Variants in PEPD observed in about 807,000 individuals in gnomAD.
The protein encoded by PEPD is xaa-Pro dipeptidase.
A neutral mutation model predicts 60.7 loss-of-function variants in PEPD; 53 were observed. The ratio of observed to expected loss-of-function variants is 0.87; its 90% CI spans 0.70 to 1.10. The LOEUF (loss-of-function observed/expected upper bound fraction) is 1.10, where lower values mean the gene tolerates loss of function less well. PEPD is among the 50% of genes least tolerant of loss of function. The pLI, the probability that PEPD is intolerant of heterozygous loss-of-function variation, is 0.00. For synonymous variants in PEPD, 267 were observed against 284.1 expected, an observed-to-expected ratio of 0.94 and a Z score of 0.60; for missense variants, 711 against 711.9, an observed-to-expected ratio of 1.00 and a Z score of 0.01.
intron 9 of PEPD, among the ~76,000 whole-genome samples, chr19:33,439,886 G>T (rs540537910): frequency 1.3e-5 from 2 of 152,168 alleles, no homozygotes; most frequent in Non-Finnish European, 2.9e-5. Flanking sequence ...TTCCAAGAAA[G>T]GTTCTTGTTT....
At chr19:33,458,146 G>A (rs941110308) in intron 9 of PEPD, among the ~76,000 whole-genome samples, 12 of 151,856 alleles carry the variant, frequency 7.9e-5, no homozygotes, top group African/African-American at 2.9e-4. Flanking sequence ...GTATGGTGTG[G>A]TGTGTGCATA....
chr19:33,398,257 C>A (rs1430419937), intron 12 of PEPD, among the ~76,000 whole-genome samples: 1 of 152,222 alleles, frequency 6.6e-6, no homozygotes, highest in Non-Finnish European at 1.5e-5. Context: ...GCTTGGTGGG[C>A]CCCCGCCCCT....
At chr19:33,488,102 G>A (rs1309172125) in intron 6 of PEPD, among the ~76,000 whole-genome samples, 3 of 152,108 alleles carry the variant, frequency 2.0e-5, no homozygotes, top group Non-Finnish European at 2.9e-5. Flanking sequence ...CTCTAGAGGA[G>A]GAGCAAGCAA....
chr19:33,521,735 A>G lies in PEPD; in HGVS notation c.17+9T>C, dbSNP rs2145369344. The G allele has an allele frequency of 6.3e-7, 1 of 1,580,380 alleles. No individual in the cohort carries two copies. Among genetic ancestry groups the G allele is most frequent in the South Asian group, 1.1e-5 (1 of 86,992 alleles). On this transcript the variant is annotated intron_variant, in intron 1 of 14. Transcript: ENST00000244137. ...CAGCGGGAAAGAGCGAGGGAGGCGC[A>G]GCACTCACCCGGTGGCCGCCGCCAT...
At position 33,485,993 on chromosome 19, in the gene PEPD, A is replaced by G. The variant is rs1600153741; in HGVS notation, c.503+4003T>C. On this transcript the variant is annotated intron_variant, in intron 6 of 14. Transcript: ENST00000244137. Reference sequence around the variant, plus strand: ...AGGCATGGAAACTTGATGGACAGGCATCCCTCAGCTCAGGCCACCCAGCCC... The same window carrying G: ...AGGCATGGAAACTTGATGGACAGGCGTCCCTCAGCTCAGGCCACCCAGCCC... Among the ~76,000 whole-genome samples the G allele has an allele frequency of 4.6e-5, 7 of 152,154 alleles. No homozygotes were observed. In the South Asian group the frequency reaches 1.5e-3, roughly 32 times the overall value.
intron 1 of PEPD, among the ~76,000 whole-genome samples, chr19:33,516,269 AC>A (rs1319540450): frequency 1.3e-5 from 2 of 152,204 alleles, no homozygotes; most frequent in African/African-American, 4.8e-5. Flanking sequence ...TGTAGCACCA[AC>A]AAAACATCTC....
chr19:33,502,142 A>C (rs1205102990), intron 3 of PEPD, among the ~76,000 whole-genome samples: 2 of 152,188 alleles, frequency 1.3e-5, no homozygotes, highest in Non-Finnish European at 2.9e-5. Context: ...GGAAAGGAAC[A>C]CAAACTGCAC....
rs531144595 is a variant in PEPD at position 33,497,295 on chromosome 19, G to A, written c.393+3643C>T. On this transcript the variant is annotated intron_variant, in intron 4 of 14. Coordinates refer to ENST00000244137, the MANE Select transcript of PEPD (RefSeq NM_000285.4). ...GCCTGTAGCAGACTTGGTGACCCTC[G>A]GACCTTCTCACATATGCCTGGCGCC... Among the ~76,000 whole-genome samples the A allele has an allele frequency of 1.0e-3, 158 of 152,318 alleles. 1 individual carries two copies. Among genetic ancestry groups the A allele is most frequent in the Admixed American group, 1.5e-3 (23 of 15,304 alleles).
At chr19:33,393,264 G>A (rs1337653033) in intron 12 of PEPD, among the ~76,000 whole-genome samples, 15 of 147,398 alleles carry the variant, frequency 1.0e-4, no homozygotes, top group African/African-American at 3.0e-4. Flanking sequence ...GCGTGGGGGA[G>A]GGCCCGGGGT....
intron 11 of PEPD, among the ~76,000 whole-genome samples, chr19:33,410,376 G>A: frequency 6.6e-6 from 1 of 152,240 alleles, no homozygotes; most frequent in East Asian, 1.9e-4. Flanking sequence ...GAGACTGAGT[G>A]TGTTCCTGCA....
intron 4 of PEPD, among the ~76,000 whole-genome samples, chr19:33,493,737 T>C (rs548163545): frequency 1.7e-4 from 26 of 152,096 alleles, no homozygotes; most frequent in Non-Finnish European, 4.4e-5. Flanking sequence ...AGCCTCTGGT[T>C]CCTAGGGCAG....
intron 3 of PEPD, among the ~76,000 whole-genome samples, chr19:33,503,535 A>G (rs139023505): frequency 1.8e-3 from 271 of 152,278 alleles, no homozygotes; most frequent in African/African-American, 6.3e-3. Flanking sequence ...CGCAGGGCTT[A>G]TTGTGCAGCT....
chr19:33,507,587 T>C (rs938381702), intron 3 of PEPD, among the ~76,000 whole-genome samples: 1 of 152,098 alleles, frequency 6.6e-6, no homozygotes, highest in Non-Finnish European at 1.5e-5. Flanking sequence ...CAGATGGATT[T>C]TCAAAAACCA....
intron 3 of PEPD, among the ~76,000 whole-genome samples, chr19:33,502,951 G>GT (rs1970738017): frequency 7.3e-6 from 1 of 137,396 alleles, no homozygotes; most frequent in Non-Finnish European, 1.6e-5. Flanking sequence ...TAACTGGGGG[G>GT]CGGGGGGGGG....
chr19:33,471,849 T>C (rs772189294), intron 7 of PEPD, among the ~76,000 whole-genome samples: 17 of 152,020 alleles, frequency 1.1e-4, no homozygotes, highest in African/African-American at 7.2e-5. Context: ...TGATAACCTG[T>C]GTCTACAAAA....
chr19:33,388,232 G>A (rs1485772227), intron 13 of PEPD, 151 bp from the exon 14 acceptor site: 11 of 725,614 alleles, frequency 1.5e-5, no homozygotes, highest in Non-Finnish European at 2.2e-5. Context: ...TGCTGTGCTG[G>A]GCCATGGGCA....
At position 33,387,476 on chromosome 19, in the gene PEPD, G is replaced by T. The variant is rs763268525; in HGVS notation, c.1350C>A (p.Arg450=). The T allele has an allele frequency of 8.1e-6, 13 of 1,613,602 alleles. No individual in the cohort carries two copies. The East Asian group carries it at 2.7e-4, about 33-fold the overall frequency. Residue 450 remains arginine, a synonymous_variant, in exon 15 of 15, where the codon CGC becomes CGA. Transcript: ENST00000244137. The part of the protein sequence containing the change: ...LQRFRGFGGV[R]IEEDVVVTDS... ...CAGTCACCACGACGTCCTCCTCGAT[G>T]CGGACCTGGGTCAAGCCGACAGACA...
intron 11 of PEPD, among the ~76,000 whole-genome samples, chr19:33,407,384 G>C (rs1241716507): frequency 6.6e-6 from 1 of 152,210 alleles, no homozygotes; most frequent in Admixed American, 6.5e-5. Context: ...AGTGGCTCTG[G>C]TGCCCACAGC....
At chr19:33,409,607 T>G (rs1224770866) in intron 11 of PEPD, among the ~76,000 whole-genome samples, 1 of 152,170 alleles carries the variant, frequency 6.6e-6, no homozygotes, top group Non-Finnish European at 1.5e-5. Flanking sequence ...CCTAGGAGTT[T>G]GAGGCTGCAG....
Sources: gnomAD v4.1 joint callset for allele counts (sites outside exome capture counted in the v4.1 genomes callset) on GRCh38, gnomAD v4.1.1 for gene constraint, MANE v1.5 for transcripts, NCBI Gene and HGNC (gene_info 2026-07-23, HGNC 2026-07-21) for gene names.